Variants in MYO3B observed in about 807,000 individuals in gnomAD.
MYO3B encodes myosin-IIIb.
Under a neutral mutation model 174.6 loss-of-function variants are expected in MYO3B, and 156 were observed. The observed-to-expected ratio is 0.89, with a 90% CI of 0.78 to 1.02. MYO3B has a LOEUF of 1.02. MYO3B is among the 50% of genes least tolerant of loss of function. The pLI is 0.00. For missense variants in MYO3B, 1,632 were observed against 1,639.4 expected (o/e 1.00, Z 0.08); for synonymous variants, 563 against 569.1 (o/e 0.99, Z 0.15).
chr2:170,639,067 TCACAA>T, intron 32 of MYO3B, among the ~76,000 whole-genome samples: 1 of 152,302 alleles, frequency 6.6e-6, no homozygotes, highest in Admixed American at 6.5e-5. Flanking sequence ...AAAGACCCCG[TCACAA>T]TTAGCTTAGT....
At chr2:170,247,255 G>T (rs1450886211) in intron 7 of MYO3B, among the ~76,000 whole-genome samples, 2 of 152,180 alleles carry the variant, frequency 1.3e-5, no homozygotes. Context: ...GACATTGAGA[G>T]GTAGCTGTTG....
chr2:170,445,424 C>G (rs966846565), intron 23 of MYO3B, among the ~76,000 whole-genome samples: 1 of 152,132 alleles, frequency 6.6e-6, no homozygotes, highest in Non-Finnish European at 1.5e-5. Context: ...TCACCACAAC[C>G]TCTGCCTCCT....
intron 22 of MYO3B, among the ~76,000 whole-genome samples, chr2:170,409,337 C>T (rs965987370): frequency 8.5e-5 from 13 of 152,238 alleles, no homozygotes; most frequent in African/African-American, 3.1e-4. Flanking sequence ...TCCGCCGCTG[C>T]GTCTTTTTTA....
chr2:170,286,163 G>A (rs988890972), intron 7 of MYO3B, among the ~76,000 whole-genome samples: 16 of 152,152 alleles, frequency 1.1e-4, no homozygotes, highest in African/African-American at 3.9e-4. Flanking sequence ...CATGAAGTGT[G>A]GTCCAGGTTT....
At chr2:170,437,928 C>G (rs1017255657) in intron 22 of MYO3B, among the ~76,000 whole-genome samples, 1 of 151,612 alleles carries the variant, frequency 6.6e-6, no homozygotes, top group African/African-American at 2.4e-5. Flanking sequence ...GAGACTTTTT[C>G]TTGTTGTTGC....
At chr2:170,463,636 A>C (rs1247624072) in intron 24 of MYO3B, among the ~76,000 whole-genome samples, 191 bp downstream of exon 24, 3 of 152,208 alleles carry the variant, frequency 2.0e-5, no homozygotes, top group Non-Finnish European at 4.4e-5. Flanking sequence ...TAAGTGACTG[A>C]TTCTGTTAGC....
At chr2:170,526,173 A>T (rs1233476227) in intron 30 of MYO3B, among the ~76,000 whole-genome samples, 1 of 152,210 alleles carries the variant, frequency 6.6e-6, no homozygotes, top group East Asian at 1.9e-4. Context: ...GACATTGGAC[A>T]AGTTCCTTCC....
intron 7 of MYO3B, among the ~76,000 whole-genome samples, chr2:170,275,799 A>G (rs2093460373): frequency 6.6e-6 from 1 of 152,204 alleles, no homozygotes; most frequent in Non-Finnish European, 1.5e-5. Context: ...GTGAAGGTAA[A>G]GGAATACATT....
intron 7 of MYO3B, among the ~76,000 whole-genome samples, chr2:170,244,417 G>T (rs2093168352): frequency 6.6e-6 from 1 of 151,986 alleles, no homozygotes; most frequent in Non-Finnish European, 1.5e-5. Flanking sequence ...GCCAGGTCAG[G>T]GGATTGTAAG....
intron 32 of MYO3B, among the ~76,000 whole-genome samples, chr2:170,606,700 C>T (rs1694827378): frequency 6.6e-6 from 1 of 152,178 alleles, no homozygotes; most frequent in Non-Finnish European, 1.5e-5. Flanking sequence ...AACATTTTCT[C>T]TAACTCTGCT....
chr2:170,459,660 C>T lies in MYO3B; in HGVS notation c.2731-3708C>T, dbSNP rs536058683. On this transcript the variant is annotated intron_variant, in intron 23 of 34. Transcript: ENST00000408978. ...CTCAGCCCTTGGGCAGTCATGGGAC[C>T]GGGCGCCATGGAGCAGGGGGTGGTG... Among the ~76,000 whole-genome samples, 20 of 152,216 alleles carry T rather than the reference C, an allele frequency of 1.3e-4. No homozygotes were observed. The East Asian group carries it at 1.8e-3, about 13-fold the overall frequency.
At chr2:170,462,953 G>A (rs953806396) in intron 23 of MYO3B, among the ~76,000 whole-genome samples, 6 of 152,216 alleles carry the variant, frequency 3.9e-5, no homozygotes, top group Non-Finnish European at 8.8e-5. Context: ...AAGGCAACTG[G>A]TGCTGGCCTA....
At chr2:170,551,363 T>A (rs899552442) in intron 32 of MYO3B, among the ~76,000 whole-genome samples, 7 of 145,822 alleles carry the variant, frequency 4.8e-5, no homozygotes, top group African/African-American at 1.7e-4. Context: ...TTTATTTATT[T>A]ATTTATTTAT....
chr2:170,436,441 G>C (rs2105896000), intron 22 of MYO3B, among the ~76,000 whole-genome samples: 1 of 152,228 alleles, frequency 6.6e-6, no homozygotes, highest in Non-Finnish European at 1.5e-5. Context: ...TCATTATAAA[G>C]CTCCTGCCAC....
chr2:170,261,527 G>A (rs1382985170), intron 7 of MYO3B, among the ~76,000 whole-genome samples: 3 of 152,200 alleles, frequency 2.0e-5, no homozygotes, highest in Non-Finnish European at 4.4e-5. Context: ...ATTCTAGCCT[G>A]GGCAACAGAG....
chr2:170,333,315 AC>A (rs1345118572), intron 7 of MYO3B, among the ~76,000 whole-genome samples: 9 of 152,210 alleles, frequency 5.9e-5, no homozygotes, highest in African/African-American at 1.9e-4. Flanking sequence ...TGATGGTGGT[AC>A]TAGGGAAAGA....
chr2:170,352,419 A>T lies in MYO3B; in HGVS notation c.816-16803A>T, dbSNP rs186032740. ...GAAGAAAGGGTCTACAGAAAATTTA[A>T]TCAATCTAACAGAAGACAGGAAATG... On this transcript the variant is annotated intron_variant, in intron 8 of 34. Coordinates refer to ENST00000408978, the MANE Select transcript of MYO3B (RefSeq NM_138995.5). Among the ~76,000 whole-genome samples, 6 of 152,348 alleles carry T rather than the reference A, an allele frequency of 3.9e-5. No individual in the cohort carries two copies. The East Asian group carries it at 1.2e-3, about 29-fold the overall frequency.
At chr2:170,212,796 C>G (rs184430769) in intron 3 of MYO3B, among the ~76,000 whole-genome samples, 2 of 152,214 alleles carry the variant, frequency 1.3e-5, no homozygotes, top group African/African-American at 4.8e-5. Context: ...CCCCAGTGCT[C>G]GTGTCTGGCT....
intron 22 of MYO3B, among the ~76,000 whole-genome samples, chr2:170,415,613 G>A (rs1419820619): frequency 6.6e-6 from 1 of 152,236 alleles, no homozygotes; most frequent in East Asian, 1.9e-4. Flanking sequence ...GAGCCAAATC[G>A]ACGCATCCAC....
Sources: gnomAD v4.1 joint callset for allele counts (sites outside exome capture counted in the v4.1 genomes callset) on GRCh38, gnomAD v4.1.1 for gene constraint, MANE v1.5 for transcripts, NCBI Gene and HGNC (gene_info 2026-07-23, HGNC 2026-07-21) for gene names.